Variants in SLC7A14 observed in about 807,000 individuals in gnomAD.
SLC7A14 encodes the protein gamma-aminobutyric acid transporter SLC7A14.
In SLC7A14, 37 loss-of-function variants were observed where a neutral mutation model predicts 60.2. That is an observed-to-expected ratio of 0.61 (90% CI 0.47 to 0.81). The LOEUF (loss-of-function observed/expected upper bound fraction) is 0.81. Ranked by LOEUF, SLC7A14 falls within the 30% of genes least tolerant of loss-of-function variation. SLC7A14 has a pLI of 0.00. For synonymous variants in SLC7A14, 399 were observed against 395.8 expected, an observed-to-expected ratio of 1.01 and a Z score of -0.10; for missense variants, 886 against 982.7, an observed-to-expected ratio of 0.90 and a Z score of 1.32.
At chr3:170,563,627 G>C (rs1714720853) in intron 1 of SLC7A14, among the ~76,000 whole-genome samples, 2 of 151,858 alleles carry the variant, frequency 1.3e-5, no homozygotes, top group Non-Finnish European at 2.9e-5. Context: ...CACCATGTTG[G>C]TCAGGCTAGT....
In SLC7A14 at chr3:170,501,217, T is replaced by C; in HGVS notation, c.433A>G (p.Ile145Val). The C allele has an allele frequency of 6.2e-7, 1 of 1,614,188 alleles. No individual in the cohort carries two copies. Among genetic ancestry groups the C allele is most frequent in the Non-Finnish European group, 8.5e-7 (1 of 1,180,042 alleles). Reference protein sequence around the residue: ...IGWNLILEYLIGTAAGASALS... With the variant: ...IGWNLILEYLVGTAAGASALS... ...GCACTGGCTCCGGCCGCAGTGCCAA[T>C]CAGGTACTCCAGGATCAGGTTCCAG... Residue 145 changes from isoleucine to valine, a missense_variant, in exon 3 of 8, where the codon ATT (isoleucine) becomes GTT (valine). Coordinates refer to ENST00000231706, the MANE Select transcript of SLC7A14 (RefSeq NM_020949.3).
chr3:170,561,798 A>G (rs1036401283), intron 1 of SLC7A14, among the ~76,000 whole-genome samples: 5 of 152,236 alleles, frequency 3.3e-5, no homozygotes, highest in Non-Finnish European at 7.3e-5. Flanking sequence ...TAGCAAGAAA[A>G]AAAACAAACT....
At chr3:170,514,362 A>G (rs1389137562) in intron 2 of SLC7A14, among the ~76,000 whole-genome samples, 2 of 152,152 alleles carry the variant, frequency 1.3e-5, no homozygotes, top group Admixed American at 6.5e-5. Flanking sequence ...TGTTTATCCC[A>G]TGGCTGTCGG....
rs550506350 is a variant in SLC7A14 at position 170,581,281 on chromosome 3, A to T, written c.-153+4630T>A. On this transcript the variant is annotated intron_variant, in intron 1 of 7. Transcript: ENST00000231706. ...TTAGTAAAAATATGTTTTGAAAATTATCCCTCTCACCCCCTCACACTGAGG... is the reference window on the plus strand; with the variant it reads ...TTAGTAAAAATATGTTTTGAAAATTTTCCCTCTCACCCCCTCACACTGAGG... Among the ~76,000 whole-genome samples the T allele has an allele frequency of 8.5e-5, 13 of 152,262 alleles. No homozygotes were observed. In the East Asian group the frequency reaches 2.3e-3, roughly 27 times the overall value.
intron 1 of SLC7A14, among the ~76,000 whole-genome samples, chr3:170,528,398 G>C (rs764725998): frequency 1.3e-5 from 2 of 152,188 alleles, no homozygotes; most frequent in African/African-American, 4.8e-5. Context: ...ACTCATAAAT[G>C]TATAGAATTT....
intron 4 of SLC7A14, chr3:170,496,585 A>ATCTC: frequency 6.3e-7 from 1 of 1,596,386 alleles, no homozygotes; most frequent in Non-Finnish European, 8.6e-7. Context: ...CTGGCCCTGG[A>ATCTC]CATGGAGATC....
chr3:170,488,612 A>G (rs1309554981), intron 4 of SLC7A14, among the ~76,000 whole-genome samples: 1 of 152,248 alleles, frequency 6.6e-6, no homozygotes, highest in Non-Finnish European at 1.5e-5. Flanking sequence ...CAGTCTCTTC[A>G]GTAGATAGTG....
rs770607004 is a variant in SLC7A14, at chr3:170,464,787, A to T, written c.*2268T>A. 6.6e-6 allele frequency: 1 copy of T among 152,230 alleles called. No homozygotes were observed. The highest frequency in any genetic ancestry group is 2.4e-5 in the African/African-American group (1 of 41,464). The allele number at this position is 152,230 out of a possible 1,614,324, so 9.4% of individuals were successfully genotyped here. On this transcript the variant is annotated 3_prime_UTR_variant, in exon 8 of 8. Transcript: ENST00000231706. The stretch of plus-strand genomic sequence containing the variant: ...CTGCCACCAGGCTATTGTTACTTTA[A>T]TACTTAAACCTCACTAGTAAAAGGA...
At chr3:170,499,181 G>A (rs945012408) in intron 3 of SLC7A14, among the ~76,000 whole-genome samples, 2 of 135,542 alleles carry the variant, frequency 1.5e-5, no homozygotes, top group Non-Finnish European at 3.1e-5. Context: ...AGCTTGCAGT[G>A]AGCCGAGATC....
chr3:170,519,784 A>G (rs1713289072), intron 2 of SLC7A14, among the ~76,000 whole-genome samples: 1 of 152,188 alleles, frequency 6.6e-6, no homozygotes, highest in Admixed American at 6.5e-5. Context: ...TCAAAAATGA[A>G]ACAAACAAAC....
At chr3:170,489,963 A>G (rs1712162173) in intron 4 of SLC7A14, among the ~76,000 whole-genome samples, 1 of 149,336 alleles carries the variant, frequency 6.7e-6, no homozygotes, top group Admixed American at 6.7e-5. Flanking sequence ...TGGGGGCTGG[A>G]CGGGGGGAGG....
intron 1 of SLC7A14, among the ~76,000 whole-genome samples, chr3:170,577,089 T>C (rs1011388695): frequency 1.2e-4 from 18 of 152,224 alleles, no homozygotes; most frequent in Non-Finnish European, 2.2e-4. Flanking sequence ...AACCCATCTC[T>C]TTCCTCTGGA....
intron 6 of SLC7A14, 127 bp downstream of exon 6, chr3:170,483,187 A>C (rs1020951916): frequency 1.8e-6 from 2 of 1,111,448 alleles, no homozygotes; most frequent in African/African-American, 1.6e-5. Context: ...TTCAGGATAC[A>C]TAACAAGGTC....
intron 1 of SLC7A14, among the ~76,000 whole-genome samples, chr3:170,533,720 G>A (rs955207944): frequency 3.3e-5 from 5 of 152,044 alleles, no homozygotes; most frequent in African/African-American, 9.7e-5. Flanking sequence ...GCACAAGCAC[G>A]TGCCTCTTAA....
At chr3:170,566,100 G>A (rs568796549) in intron 1 of SLC7A14, among the ~76,000 whole-genome samples, 1 of 152,300 alleles carries the variant, frequency 6.6e-6, no homozygotes, top group Non-Finnish European at 1.5e-5. Flanking sequence ...GCCCAGAGAA[G>A]CAAAGGGACC....
intron 1 of SLC7A14, among the ~76,000 whole-genome samples, chr3:170,567,277 C>T (rs546068690): frequency 4.0e-4 from 60 of 151,080 alleles, no homozygotes; most frequent in South Asian, 1.7e-3. Flanking sequence ...TTTGTCCTTG[C>T]GATAGTTTAC....
intron 1 of SLC7A14, among the ~76,000 whole-genome samples, chr3:170,550,046 G>C (rs1714297954): frequency 6.6e-6 from 1 of 152,204 alleles, no homozygotes; most frequent in South Asian, 2.1e-4. Context: ...GTTGTGATTG[G>C]ACATGTGTGT....
At chr3:170,581,327 T>G (rs1453831608) in intron 1 of SLC7A14, among the ~76,000 whole-genome samples, 1 of 152,192 alleles carries the variant, frequency 6.6e-6, no homozygotes, top group Non-Finnish European at 1.5e-5. Context: ...ATGCTTGTAT[T>G]TTGTTATTTC....
At chr3:170,530,738 G>A (rs527786793) in intron 1 of SLC7A14, among the ~76,000 whole-genome samples, 1 of 152,320 alleles carries the variant, frequency 6.6e-6, no homozygotes, top group East Asian at 1.9e-4. Context: ...CAGCGGGGAG[G>A]CCGACAAGTA....
Sources: allele counts gnomAD v4.1 joint callset (sites outside exome capture counted in the v4.1 genomes callset), GRCh38; gene constraint gnomAD v4.1.1; transcripts MANE v1.5; gene names NCBI Gene and HGNC (gene_info 2026-07-23, HGNC 2026-07-21).